EPB41L4B: variants seen among roughly 807,000 people sequenced by gnomAD.
EPB41L4B encodes erythrocyte membrane protein band 4.1 like 4B, also known as band 4.1-like protein 4B.
EPB41L4B carries 30 observed loss-of-function variants against 112.5 expected under a neutral mutation model. The observed-to-expected ratio is 0.27, with a 90% CI of 0.20 to 0.36. The LOEUF (loss-of-function observed/expected upper bound fraction) is 0.36, where lower values mean the gene tolerates loss of function less well. Ranked by LOEUF, EPB41L4B falls within the 10% of genes least tolerant of loss-of-function variation. The probability of loss-of-function intolerance (pLI) is 1.00; values close to 1 mark genes in which losing one functional copy is unlikely to be tolerated. For missense variants in EPB41L4B, 1,024 were observed against 1,133.3 expected (o/e 0.90, Z 1.38); for synonymous variants, 408 against 439.7 (o/e 0.93, Z 0.90).
intron 24 of EPB41L4B, among the ~76,000 whole-genome samples, chr9:109,181,277 C>T (rs1009463693): frequency 2.6e-5 from 4 of 152,110 alleles, no homozygotes; most frequent in Non-Finnish European, 5.9e-5. Flanking sequence ...GCTGGGATTA[C>T]AGGCATGAGC....
At chr9:109,270,650 T>C (rs935504224) in intron 2 of EPB41L4B, among the ~76,000 whole-genome samples, 3 of 152,246 alleles carry the variant, frequency 2.0e-5, no homozygotes, top group African/African-American at 7.2e-5. Flanking sequence ...CCTAGTCTAA[T>C]TAGCCCATGA....
At chr9:109,244,434 C>CTTTT (rs573807379) in intron 14 of EPB41L4B, among the ~76,000 whole-genome samples, 3 of 48,514 alleles carry the variant, frequency 6.2e-5, no homozygotes, top group Admixed American at 3.4e-4. Context: ...TGAAGGTTGT[C>CTTTT]TTTTTTTTTT....
At chr9:109,266,262 G>A (rs753548392) in intron 4 of EPB41L4B, among the ~76,000 whole-genome samples, 3 of 152,158 alleles carry the variant, frequency 2.0e-5, no homozygotes, top group Non-Finnish European at 4.4e-5. Context: ...TGTGGTCCCA[G>A]CTACTAGGGA....
intron 22 of EPB41L4B, 57 bp downstream of exon 22, chr9:109,192,221 G>T: frequency 7.1e-7 from 1 of 1,410,246 alleles, no homozygotes; most frequent in Non-Finnish European, 9.8e-7. Flanking sequence ...CCGTCCCACT[G>T]CCAAGATGTT....
At chr9:109,240,379 T>G (rs1483877235) in intron 15 of EPB41L4B, 6 of 985,390 alleles carry the variant, frequency 6.1e-6, no homozygotes, top group Non-Finnish European at 7.2e-6. Context: ...GCTGAATAGA[T>G]TTTTGCAGTA....
chr9:109,214,744 A>G (rs1213679590), intron 16 of EPB41L4B, among the ~76,000 whole-genome samples: 2 of 151,990 alleles, frequency 1.3e-5, no homozygotes, highest in Non-Finnish European at 2.9e-5. Flanking sequence ...GGGAAGAATG[A>G]AGACCTTGGC....
At chr9:109,261,920 A>G (rs1051170433) in intron 6 of EPB41L4B, among the ~76,000 whole-genome samples, 2 of 152,252 alleles carry the variant, frequency 1.3e-5, no homozygotes, top group African/African-American at 4.8e-5. Context: ...TGAATATGTC[A>G]TAATCCATAA....
rs202182294 is a variant in EPB41L4B at position 109,194,213 on chromosome 9, C to G, written c.2223+7G>C. On this transcript the variant is annotated splice_region_variant and intron_variant, in intron 21 of 25. Transcript: ENST00000374566. The stretch of plus-strand genomic sequence containing the variant: ...GCTGCTCGCCAGGGCTTTCCACCCC[C>G]CAATACCTTGGCCCCAGGGGACAGC... 2.7e-3 allele frequency: 4,328 copies of G among 1,613,614 alleles called. 11 individuals are homozygous for G. The highest frequency in any genetic ancestry group is 3.4e-3 in the Non-Finnish European group (3,960 of 1,179,626).
At chr9:109,309,684 G>A (rs189426055) in intron 1 of EPB41L4B, among the ~76,000 whole-genome samples, 8 of 152,224 alleles carry the variant, frequency 5.3e-5, no homozygotes, top group Admixed American at 2.0e-4. Context: ...AGAATTGCTT[G>A]AGGCCAGGAG....
chr9:109,186,228 C>T (rs573397420), intron 22 of EPB41L4B, among the ~76,000 whole-genome samples: 1 of 151,990 alleles, frequency 6.6e-6, no homozygotes, highest in East Asian at 1.9e-4. Flanking sequence ...CGCTCTGTCA[C>T]CCAGGTTGGA....
chr9:109,184,195 A>G (rs1832172175), intron 23 of EPB41L4B, among the ~76,000 whole-genome samples: 1 of 152,230 alleles, frequency 6.6e-6, no homozygotes, highest in African/African-American at 2.4e-5. Context: ...CTCTCAGATC[A>G]TCATGAAGCA....
chr9:109,218,476 T>C (rs1021615431), intron 15 of EPB41L4B, among the ~76,000 whole-genome samples: 3 of 152,162 alleles, frequency 2.0e-5, no homozygotes, highest in African/African-American at 7.2e-5. Flanking sequence ...TTTGAAAATC[T>C]GGTGAATACC....
chr9:109,317,776 G>A (rs913301062), intron 1 of EPB41L4B, among the ~76,000 whole-genome samples: 2 of 152,150 alleles, frequency 1.3e-5, no homozygotes, highest in African/African-American at 4.8e-5. Flanking sequence ...AAGCAGCAAG[G>A]CAACACCAGG....
chr9:109,311,015 G>T (rs1837394976), intron 1 of EPB41L4B, among the ~76,000 whole-genome samples: 1 of 152,140 alleles, frequency 6.6e-6, no homozygotes, highest in Admixed American at 6.5e-5. Context: ...AAGTAGAATG[G>T]TGGTTGCCCG....
At chr9:109,209,787 T>G (rs890591551) in intron 17 of EPB41L4B, among the ~76,000 whole-genome samples, 6 of 152,218 alleles carry the variant, frequency 3.9e-5, no homozygotes, top group African/African-American at 1.4e-4. Flanking sequence ...ACCATCTCAT[T>G]TCAAGATAAC....
chr9:109,243,601 G>A lies in EPB41L4B; in HGVS notation c.1409+17C>T, dbSNP rs759634868. ...GAAAGCTTTCGAAGGTGCAGCTCTG[G>A]AAGCACCAGCACTTACCTGACATTT... On this transcript the variant is annotated intron_variant, in intron 15 of 25. Coordinates refer to ENST00000374566, the MANE Select transcript of EPB41L4B (RefSeq NM_019114.5). The A allele has an allele frequency of 6.2e-7, 1 of 1,613,444 alleles. No homozygotes were observed. Among genetic ancestry groups the A allele is most frequent in the South Asian group, 1.1e-5 (1 of 91,044 alleles).
Position 109,194,268 on chromosome 9 carries a change from G to C in EPB41L4B, c.2175C>G (p.Ser725Arg), listed in dbSNP as rs1308805236. 2.5e-6 allele frequency: 4 copies of C among 1,614,230 alleles called. No individual in the cohort carries two copies. The highest frequency in any genetic ancestry group is 3.4e-6 in the Non-Finnish European group (4 of 1,180,048). The change falls in exon 21 of 26, where the codon AGC becomes AGG. Residue 725 changes from serine to arginine, a missense_variant. Ser to Arg is a moderately radical substitution (Grantham distance 110). Transcript: ENST00000374566. ...PLPSPKVQNV[S>R]SPHKSEGKGL... ...CTTTGCCTTCTGACTTGTGAGGCGA[G>C]CTGACATTCTGGACCTTGGGGGACG... is the stretch of plus-strand genomic sequence containing the variant.
chr9:109,294,624 C>CA (rs1189441324), intron 1 of EPB41L4B, among the ~76,000 whole-genome samples: 1 of 151,414 alleles, frequency 6.6e-6, no homozygotes. Context: ...CGTACCCCCT[C>CA]AAAAAAAATA....
chr9:109,262,932 G>T, intron 6 of EPB41L4B, 118 bp downstream of exon 6: 4 of 704,740 alleles, frequency 5.7e-6, no homozygotes, highest in Non-Finnish European at 9.5e-6. Flanking sequence ...CAGAGACCGT[G>T]TCATATTCAT....
Sources: gnomAD v4.1 joint callset for allele counts (sites outside exome capture counted in the v4.1 genomes callset) on GRCh38, gnomAD v4.1.1 for gene constraint, MANE v1.5 for transcripts, NCBI Gene and HGNC (gene_info 2026-07-23, HGNC 2026-07-21) for gene names.